The following ATRNL1 variants were observed in gnomAD, a reference collection of about 807,000 sequenced individuals.
ATRNL1 encodes attractin like 1.
In ATRNL1, 95 loss-of-function variants were observed where a neutral mutation model predicts 182.7. The ratio of observed to expected loss-of-function variants is 0.52; its 90% CI spans 0.44 to 0.62. The LOEUF is 0.62. Ranked by LOEUF, ATRNL1 falls within the 20% of genes least tolerant of loss-of-function variation. The probability of loss-of-function intolerance (pLI) is 0.00; values close to 1 mark genes in which losing one functional copy is unlikely to be tolerated. For synonymous variants in ATRNL1, 576 were observed against 568.3 expected (o/e 1.01, Z -0.19); for missense variants, 1,471 against 1,679.5 (o/e 0.88, Z 2.17).
chr10:115,832,748 C>G (rs1950586738), intron 27 of ATRNL1, among the ~76,000 whole-genome samples: 1 of 152,200 alleles, frequency 6.6e-6, no homozygotes, highest in African/African-American at 2.4e-5. Context: ...TATCCATTCT[C>G]TAACCCTTTA....
intron 19 of ATRNL1, among the ~76,000 whole-genome samples, chr10:115,375,409 A>G (rs1182960498): frequency 1.3e-5 from 2 of 152,056 alleles, no homozygotes; most frequent in African/African-American, 4.8e-5. Flanking sequence ...ATCACTAAAA[A>G]AAGTCCAGTT....
Position 115,093,512 on chromosome 10 carries a change from C to T in ATRNL1, c.-239C>T. ...GGGACGCCGCGGCTGTGGGGTCGGCCCGCTAAGGACAAGGTCGGGAGACTG... is the reference window on the plus strand; with the variant it reads ...GGGACGCCGCGGCTGTGGGGTCGGCTCGCTAAGGACAAGGTCGGGAGACTG... On this transcript the variant is annotated 5_prime_UTR_variant, in exon 1 of 29. Transcript: ENST00000355044. The surrounding 1 kb of genome is among the most constrained non-coding windows in gnomAD (Gnocchi z 6.1). The T allele has an allele frequency of 1.5e-6, 1 of 659,142 alleles. No individual in the cohort carries two copies. The highest frequency in any genetic ancestry group is 2.8e-6 in the Non-Finnish European group (1 of 363,396). The allele number at this position is 659,142 out of a possible 1,614,324, so 40.8% of individuals were successfully genotyped here. A position where few individuals can be genotyped will look rare whatever the true frequency, so the allele number is the denominator to read the frequency against.
chr10:115,894,651 T>A (rs1384433926), intron 28 of ATRNL1, among the ~76,000 whole-genome samples: 1 of 152,176 alleles, frequency 6.6e-6, no homozygotes. Flanking sequence ...TCATAATTGT[T>A]TAAGTCAGCA....
At chr10:115,692,851 G>A (rs145141518) in intron 26 of ATRNL1, among the ~76,000 whole-genome samples, 2 of 152,196 alleles carry the variant, frequency 1.3e-5, no homozygotes, top group African/African-American at 4.8e-5. Context: ...CAATGTATAT[G>A]TGATGCTAAG....
intron 26 of ATRNL1, among the ~76,000 whole-genome samples, chr10:115,639,872 A>T (rs1037206461): frequency 3.3e-5 from 5 of 151,980 alleles, no homozygotes; most frequent in African/African-American, 1.2e-4. Context: ...TTACATAGGT[A>T]TATACATGTG....
At chr10:115,487,215 A>G (rs1453673920) in intron 24 of ATRNL1, among the ~76,000 whole-genome samples, 1 of 152,160 alleles carries the variant, frequency 6.6e-6, no homozygotes, top group Non-Finnish European at 1.5e-5. Flanking sequence ...TATCTGGGAT[A>G]TGCAGGCTCT....
intron 10 of ATRNL1, among the ~76,000 whole-genome samples, chr10:115,252,069 C>T (rs1171607990): frequency 2.6e-5 from 4 of 152,098 alleles, no homozygotes; most frequent in African/African-American, 7.2e-5. Context: ...CTCTGATGTC[C>T]AGGCTGGAGT....
At chr10:115,232,918 A>G (rs1554900351) in intron 9 of ATRNL1, among the ~76,000 whole-genome samples, 1 of 152,154 alleles carries the variant, frequency 6.6e-6, no homozygotes, top group African/African-American at 2.4e-5. Flanking sequence ...AAAACAACAG[A>G]AATTTAGCTT....
At chr10:115,703,567 A>G (rs1946805762) in intron 26 of ATRNL1, among the ~76,000 whole-genome samples, 1 of 151,910 alleles carries the variant, frequency 6.6e-6, no homozygotes, top group Non-Finnish European at 1.5e-5. Flanking sequence ...ATGATCTAGT[A>G]ACATTCTGGT....
chr10:115,587,290 G>T (rs1198249615), intron 26 of ATRNL1, among the ~76,000 whole-genome samples: 2 of 152,206 alleles, frequency 1.3e-5, no homozygotes, highest in Non-Finnish European at 2.9e-5. Flanking sequence ...ACCCAGTTCA[G>T]TTGGAGCTCC....
intron 1 of ATRNL1, among the ~76,000 whole-genome samples, chr10:115,119,207 C>T (rs1352908661): frequency 6.6e-6 from 1 of 152,056 alleles, no homozygotes; most frequent in African/African-American, 2.4e-5. Context: ...TTGCAAATGA[C>T]ATTAACATTG....
chr10:115,726,713 A>G (rs1947607724), intron 26 of ATRNL1, among the ~76,000 whole-genome samples: 1 of 152,236 alleles, frequency 6.6e-6, no homozygotes, highest in Non-Finnish European at 1.5e-5. Context: ...AACACTGCCA[A>G]TAATAATTCC....
intron 18 of ATRNL1, among the ~76,000 whole-genome samples, chr10:115,326,006 A>C (rs1854856243): frequency 6.6e-6 from 1 of 152,122 alleles, no homozygotes; most frequent in Non-Finnish European, 1.5e-5. Flanking sequence ...GTGGGCACTC[A>C]ATAAATTTTG....
chr10:115,403,051 C>A (rs548930333), intron 20 of ATRNL1, among the ~76,000 whole-genome samples: 3 of 151,938 alleles, frequency 2.0e-5, no homozygotes, highest in Non-Finnish European at 4.4e-5. Flanking sequence ...GATTATTACC[C>A]ATTTTTCTCT....
chr10:115,939,960 A>G (rs1017297811), intron 28 of ATRNL1, among the ~76,000 whole-genome samples: 2 of 152,230 alleles, frequency 1.3e-5, no homozygotes, highest in Admixed American at 6.5e-5. Flanking sequence ...TTTAAAACCC[A>G]GAAAAGATCG....
At chr10:115,580,783 A>G (rs1855022985) in intron 26 of ATRNL1, among the ~76,000 whole-genome samples, 1 of 151,010 alleles carries the variant, frequency 6.6e-6, no homozygotes, top group Non-Finnish European at 1.5e-5. Context: ...TATTTTTTCT[A>G]CTTAGATTAA....
intron 27 of ATRNL1, among the ~76,000 whole-genome samples, chr10:115,809,915 T>C (rs1950010017): frequency 6.6e-6 from 1 of 152,002 alleles, no homozygotes; most frequent in East Asian, 1.9e-4. Flanking sequence ...TTAAGTATGA[T>C]GTTAACTTCA....
intron 10 of ATRNL1, among the ~76,000 whole-genome samples, chr10:115,245,651 A>C (rs1166436238): frequency 6.6e-6 from 1 of 152,176 alleles, no homozygotes; most frequent in Non-Finnish European, 1.5e-5. Flanking sequence ...ATCATATTCA[A>C]ATTAAGACAT....
intron 26 of ATRNL1, among the ~76,000 whole-genome samples, chr10:115,687,117 A>G (rs1320404475): frequency 6.6e-6 from 1 of 152,044 alleles, no homozygotes; most frequent in Non-Finnish European, 1.5e-5. Flanking sequence ...ACAATGGAAA[A>G]TCTCGTCTCA....
Sources: allele counts gnomAD v4.1 joint callset (sites outside exome capture counted in the v4.1 genomes callset), GRCh38; gene constraint gnomAD v4.1.1; non-coding constraint Gnocchi (gnomAD v3.1); transcripts MANE v1.5; gene names NCBI Gene and HGNC (gene_info 2026-07-23, HGNC 2026-07-21).